OR2A14: variants seen among roughly 807,000 people sequenced by gnomAD.
The protein encoded by OR2A14 is olfactory receptor family 2 subfamily A member 14.
Under a neutral mutation model 2.4 loss-of-function variants are expected in OR2A14, and 2 were observed. The observed-to-expected ratio is 0.85, with a 90% CI of 0.35 to 2.67. The LOEUF (loss-of-function observed/expected upper bound fraction) is 2.67. Ranked by LOEUF, OR2A14 falls within the 30% of genes most tolerant of loss-of-function variation. OR2A14 has a pLI of 0.10. For synonymous variants in OR2A14, 160 were observed against 156.3 expected (o/e 1.02, Z -0.18); for missense variants, 390 against 379.4 (o/e 1.03, Z -0.23).
rs2128807487 is a variant in OR2A14, at chr7:144,130,015, G to A, written c.903G>A (p.Arg301=). The A allele has an allele frequency of 3.1e-6, 5 of 1,613,214 alleles. No individual in the cohort carries two copies. The highest frequency in any genetic ancestry group is 4.2e-6 in the Non-Finnish European group (5 of 1,179,286). ...LRNAEVKGAL[R]RALRKERLT is the part of the protein sequence containing the mutation. ...ATGCAGAGGTCAAGGGCGCCCTGAGGAGGGCACTGAGGAAGGAGAGGCTGA... is the reference window on the plus strand; with the variant it reads ...ATGCAGAGGTCAAGGGCGCCCTGAGAAGGGCACTGAGGAAGGAGAGGCTGA... Residue 301 remains arginine (R), a synonymous_variant, in exon 2 of 2, where the codon AGG becomes AGA. Coordinates refer to ENST00000641068, the MANE Select transcript of OR2A14 (RefSeq NM_001001659.3).
chr7:144,128,696 C>G (rs1028971589), intron 1 of OR2A14, among the ~76,000 whole-genome samples: 3 of 152,178 alleles, frequency 2.0e-5, no homozygotes, highest in African/African-American at 7.2e-5. Flanking sequence ...GTGAAACCAC[C>G]TCATAATGCA....
intron 1 of OR2A14, among the ~76,000 whole-genome samples, chr7:144,127,010 G>T (rs569369792): frequency 4.7e-4 from 72 of 152,306 alleles, no homozygotes; most frequent in African/African-American, 1.7e-3. Flanking sequence ...AGGGGAAAGA[G>T]AGAGGCAGGT....
intron 1 of OR2A14, among the ~76,000 whole-genome samples, chr7:144,127,172 TA>T (rs1237117527): frequency 1.3e-5 from 2 of 152,230 alleles, no homozygotes; most frequent in Admixed American, 1.3e-4. Flanking sequence ...GCTGGGCCTC[TA>T]AAGCTTAGAA....
intron 1 of OR2A14, among the ~76,000 whole-genome samples, chr7:144,123,499 T>G (rs977816723): frequency 3.3e-5 from 5 of 152,046 alleles, no homozygotes; most frequent in African/African-American, 2.4e-5. Context: ...TCCATCCATA[T>G]CCCCTCATTA....
chr7:144,124,295 T>G (rs1308673793), intron 1 of OR2A14, among the ~76,000 whole-genome samples: 3 of 151,970 alleles, frequency 2.0e-5, no homozygotes, highest in African/African-American at 7.3e-5. Context: ...AAACCCCATC[T>G]CTAATAAAAA....
At chr7:144,127,644 G>C (rs900684836) in intron 1 of OR2A14, among the ~76,000 whole-genome samples, 4 of 152,100 alleles carry the variant, frequency 2.6e-5, no homozygotes, top group Admixed American at 6.6e-5. Flanking sequence ...ATTATATTAA[G>C]TGAAAAATTG....
rs943748259 is a variant in OR2A14 at position 144,129,158 on chromosome 7, T to C, written c.46T>C (p.Phe16Leu). 3.0e-5 allele frequency: 49 copies of C among 1,612,284 alleles called. No homozygotes were observed. Among genetic ancestry groups the C allele is most frequent in the Non-Finnish European group, 3.9e-5 (46 of 1,180,016 alleles). The change falls in exon 2 of 2, where the codon TTC (phenylalanine) becomes CTC (leucine). Residue 16 changes from phenylalanine to leucine, a missense_variant. Transcript: ENST00000641068. ...TWITDITLPR[F>L]QVGPALEILL... ...GATCACAGACATCACCTTGCCGCGA[T>C]TCCAGGTTGGTCCAGCACTGGAGAT...
chr7:144,129,455 G>T lies in OR2A14; in HGVS notation c.343G>T (p.Val115Leu). 6.2e-7 allele frequency: 1 copy of T among 1,614,016 alleles called. No individual in the cohort carries two copies. The highest frequency in any genetic ancestry group is 8.5e-7 in the Non-Finnish European group (1 of 1,179,954). Residue 115 changes from valine to leucine, a missense_variant, in exon 2 of 2, where the codon GTG (valine) becomes TTG (leucine). Physicochemically the swap from Val to Leu is conservative, Grantham distance 32. Coordinates refer to ENST00000641068, the MANE Select transcript of OR2A14 (RefSeq NM_001001659.3). ...AFAHVECLIL[V>L]VMSYDRYADI... ...TGCTCACGTAGAGTGTCTGATTTTG[G>T]TGGTGATGTCCTATGATCGCTATGC...
chr7:144,130,018 G>A lies in OR2A14; in HGVS notation c.906G>A (p.Arg302=). The A allele has an allele frequency of 6.2e-7, 1 of 1,613,148 alleles. No homozygotes were observed. The highest frequency in any genetic ancestry group is 8.5e-7 in the Non-Finnish European group (1 of 1,179,240). ...CAGAGGTCAAGGGCGCCCTGAGGAG[G>A]GCACTGAGGAAGGAGAGGCTGACGT... ...RNAEVKGALR[R]ALRKERLT Residue 302 remains arginine (R), a synonymous_variant, in exon 2 of 2, where the codon AGG becomes AGA. Transcript: ENST00000641068.
intron 1 of OR2A14, among the ~76,000 whole-genome samples, chr7:144,123,554 G>A (rs2961157): frequency 0.38 from 57,620 of 152,050 alleles, 11,725 homozygotes; most frequent in East Asian, 0.74. Context: ...CCATAGAAGA[G>A]GATCAGATAA....
intron 1 of OR2A14, among the ~76,000 whole-genome samples, chr7:144,125,644 C>G (rs758750602): frequency 1.3e-5 from 2 of 152,178 alleles, no homozygotes; most frequent in Non-Finnish European, 2.9e-5. Flanking sequence ...GTTAAAAGCA[C>G]AGTTGATAAC....
Position 144,130,435 on chromosome 7 carries a change from T to C in OR2A14, c.*390T>C, listed in dbSNP as rs930591125. 1 of 157,210 alleles carries C rather than the reference T, an allele frequency of 6.4e-6. No individual in the cohort carries two copies. Among genetic ancestry groups the C allele is most frequent in the Non-Finnish European group, 1.4e-5 (1 of 71,382 alleles). 9.7% of individuals were successfully genotyped at this position (157,210 alleles called of 1,614,324 possible). ...TGTTCATACAGTACATAGAAAGAAC[T>C]CCTTTAAATCAGCAATAAAAAATAT... On this transcript the variant is annotated 3_prime_UTR_variant, in exon 2 of 2. Transcript: ENST00000641068.
intron 1 of OR2A14, among the ~76,000 whole-genome samples, chr7:144,126,507 A>G (rs1282494233): frequency 6.6e-6 from 1 of 152,074 alleles, no homozygotes; most frequent in African/African-American, 2.4e-5. Flanking sequence ...TGTGGCCTTC[A>G]TGGTTTAGGT....
chr7:144,123,843 A>G (rs756130918), intron 1 of OR2A14, among the ~76,000 whole-genome samples: 5 of 151,262 alleles, frequency 3.3e-5, no homozygotes, highest in Non-Finnish European at 7.4e-5. Flanking sequence ...CTGTCAGGGT[A>G]CAGGTTCTCT....
intron 1 of OR2A14, among the ~76,000 whole-genome samples, chr7:144,126,844 C>G (rs1351187025): frequency 6.6e-6 from 1 of 152,046 alleles, no homozygotes; most frequent in Non-Finnish European, 1.5e-5. Context: ...ATTAAAATCA[C>G]AACCATTAGC....
At chr7:144,128,962 A>AT in intron 1 of OR2A14, 117 bp from the exon 2 acceptor site, 1 of 627,244 alleles carries the variant, frequency 1.6e-6, no homozygotes, top group Non-Finnish European at 2.8e-6. Flanking sequence ...ATTTTTTCTC[A>AT]TTTTTATGAG....
chr7:144,124,822 T>C (rs1184190653), intron 1 of OR2A14, among the ~76,000 whole-genome samples: 1 of 152,216 alleles, frequency 6.6e-6, no homozygotes, highest in Non-Finnish European at 1.5e-5. Context: ...TTCCATTTCT[T>C]TAAATTGCTT....
At position 144,129,780 on chromosome 7, in the gene OR2A14, C is replaced by A. The variant is rs368289706; in HGVS notation, c.668C>A (p.Ala223Asp). The change falls in exon 2 of 2, where the codon GCC becomes GAC. Residue 223 changes from alanine (A) to aspartate (D), a missense_variant. Coordinates refer to ENST00000641068, the MANE Select transcript of OR2A14 (RefSeq NM_001001659.3). ...GTCTCCTACTTGCGCATCCTGGCCG[C>A]CATCTTGAGGATCCAGTCTGGGGAG... ...VLVSYLRILAAILRIQSGEGR... is the reference protein window; with the variant it reads ...VLVSYLRILADILRIQSGEGR... 2.4e-5 allele frequency: 39 copies of A among 1,613,904 alleles called. No individual in the cohort carries two copies. The highest frequency in any genetic ancestry group is 3.1e-5 in the Non-Finnish European group (36 of 1,180,032).
chr7:144,130,171 A>G lies in OR2A14; in HGVS notation c.*126A>G, dbSNP rs916517003. The G allele has an allele frequency of 1.5e-6, 1 of 681,612 alleles. No homozygotes were observed. The highest frequency in any genetic ancestry group is 2.4e-6 in the Non-Finnish European group (1 of 412,468). The allele number at this position is 681,612 out of a possible 1,614,324, so 42.2% of individuals were successfully genotyped here. A position where few individuals can be genotyped will look rare whatever the true frequency, so the allele number is the denominator to read the frequency against. On this transcript the variant is annotated 3_prime_UTR_variant, in exon 2 of 2. Coordinates refer to ENST00000641068, the MANE Select transcript of OR2A14 (RefSeq NM_001001659.3). Reference sequence around the variant, plus strand: ...ACTGGAATACTATAGACCTATACATATAAACTGAAGACACAAATCTTTTAG... The same window carrying G: ...ACTGGAATACTATAGACCTATACATGTAAACTGAAGACACAAATCTTTTAG...
Sources: allele counts gnomAD v4.1 joint callset (sites outside exome capture counted in the v4.1 genomes callset), GRCh38; gene constraint gnomAD v4.1.1; transcripts MANE v1.5; gene names NCBI Gene and HGNC (gene_info 2026-07-23, HGNC 2026-07-21).